The following CFL2 variants were observed in gnomAD, a reference collection of about 807,000 sequenced individuals.
CFL2 encodes the protein cofilin 2, also known as cofilin-2.
Under a neutral mutation model 19.6 loss-of-function variants are expected in CFL2, and 10 were observed. The observed-to-expected ratio is 0.51, with a 90% CI of 0.31 to 0.86. The LOEUF (loss-of-function observed/expected upper bound fraction) is 0.86. Ranked by LOEUF, CFL2 falls within the 40% of genes least tolerant of loss-of-function variation. The pLI is 0.04. For missense variants in CFL2, 125 were observed against 192.1 expected, an observed-to-expected ratio of 0.65 and a Z score of 2.06; for synonymous variants, 63 against 66.7, an observed-to-expected ratio of 0.95 and a Z score of 0.27.
chr14:34,712,545 T>C lies in CFL2; in HGVS notation c.*320A>G. 1 of 493,218 alleles carries C rather than the reference T, an allele frequency of 2.0e-6. No individual in the cohort carries two copies. Among genetic ancestry groups the C allele is most frequent in the Non-Finnish European group, 4.0e-6 (1 of 253,052 alleles). 30.6% of individuals were successfully genotyped at this position (493,218 alleles called of 1,614,324 possible). A position where few individuals can be genotyped will look rare whatever the true frequency, so the allele number is the denominator to read the frequency against. ...CAAGGCATTCAATTAGCTTATCCTT[T>C]GCAGTATTCTAAGCTATTCACATTG... On this transcript the variant is annotated 3_prime_UTR_variant, in exon 4 of 4. Transcript: ENST00000298159.
chr14:34,713,761 C>A, intron 1 of CFL2, 200 bp from the exon 2 acceptor site: 2 of 1,611,848 alleles, frequency 1.2e-6, no homozygotes, highest in Non-Finnish European at 1.7e-6. Context: ...CCCATTCATC[C>A]TTCTTAAAGG....
At position 34,710,764 on chromosome 14, in the gene CFL2, C is replaced by A. The variant is rs1456865258; in HGVS notation, c.*2101G>T. The A allele has an allele frequency of 8.9e-6, 4 of 450,896 alleles. No homozygotes were observed. Among genetic ancestry groups the A allele is most frequent in the East Asian group, 1.4e-4 (2 of 14,380 alleles). The allele number at this position is 450,896 out of a possible 1,614,324, so 27.9% of individuals were successfully genotyped here. A position where few individuals can be genotyped will look rare whatever the true frequency, so the allele number is the denominator to read the frequency against. On this transcript the variant is annotated 3_prime_UTR_variant, in exon 4 of 4. Transcript: ENST00000298159. ...ATCACAGTTTAAAGCAATATTTAAT[C>A]TCTGAAATTACTAGAGGCATACAAG... is the stretch of plus-strand genomic sequence containing the variant.
chr14:34,713,196 C>T, intron 2 of CFL2, 58 bp downstream of exon 2: 1 of 1,546,092 alleles, frequency 6.5e-7, no homozygotes, highest in South Asian at 1.1e-5. Context: ...GTAAGACTGA[C>T]TATGATAATA....
rs1034107465 is a variant in CFL2, at chr14:34,710,264, G to C, written c.*2601C>G. 8 of 226,868 alleles carry C rather than the reference G, an allele frequency of 3.5e-5. No individual in the cohort carries two copies. The highest frequency in any genetic ancestry group is 7.1e-5 in the Non-Finnish European group (8 of 112,806). 14.1% of individuals were successfully genotyped at this position (226,868 alleles called of 1,614,324 possible). A position where few individuals can be genotyped will look rare whatever the true frequency, so the allele number is the denominator to read the frequency against. On this transcript the variant is annotated 3_prime_UTR_variant, in exon 4 of 4. Coordinates refer to ENST00000298159, the MANE Select transcript of CFL2 (RefSeq NM_138638.5). ...CAACTGTTCCCATTTGTCTGAAAAT[G>C]CTAAAATTAATTGCTGTAACACTCA...
At position 34,712,755 on chromosome 14, in the gene CFL2, C is replaced by T. The variant is rs1566524796; in HGVS notation, c.*110G>A. 1.3e-6 allele frequency: 1 copy of T among 745,294 alleles called. No individual in the cohort carries two copies. The highest frequency in any genetic ancestry group is 2.6e-5 in the East Asian group (1 of 38,978). 46.2% of individuals were successfully genotyped at this position (745,294 alleles called of 1,614,324 possible). ...CCTTCATTCATTGTGTTGGAAGGGC[C>T]CAGTGGAAAGGGGGAAATACAACAA... is the stretch of plus-strand genomic sequence containing the variant. On this transcript the variant is annotated 3_prime_UTR_variant, in exon 4 of 4. Transcript: ENST00000298159.
chr14:34,714,334 C>T, intron 1 of CFL2: 1 of 870,534 alleles, frequency 1.1e-6, no homozygotes, highest in Non-Finnish European at 1.6e-6. Flanking sequence ...CCGGGCCCTC[C>T]CCGCCCCCCA....
Position 34,711,566 on chromosome 14 carries a change from T to C in CFL2, c.*1299A>G, listed in dbSNP as rs781723970. ...AACATCAGAAGTATCATTAAACTTT[T>C]AAAGGACATTTTACAAATTATTTTC... On this transcript the variant is annotated 3_prime_UTR_variant, in exon 4 of 4. Transcript: ENST00000298159. 2 of 454,140 alleles carry C rather than the reference T, an allele frequency of 4.4e-6. No individual in the cohort carries two copies. Among genetic ancestry groups the C allele is most frequent in the Non-Finnish European group, 8.8e-6 (2 of 226,648 alleles). 28.1% of individuals were successfully genotyped at this position (454,140 alleles called of 1,614,324 possible).
At position 34,710,049 on chromosome 14, in the gene CFL2, T is replaced by C. The variant is rs946330617; in HGVS notation, c.*2816A>G. 1 of 152,768 alleles carries C rather than the reference T, an allele frequency of 6.5e-6. No homozygotes were observed. The highest frequency in any genetic ancestry group is 2.4e-5 in the African/African-American group (1 of 41,444). The allele number at this position is 152,768 out of a possible 1,614,324, so 9.5% of individuals were successfully genotyped here. On this transcript the variant is annotated 3_prime_UTR_variant, in exon 4 of 4. Transcript: ENST00000298159. ...ACAAGAAAACACTTTTAAAAGAATT[T>C]CCTCCCAAAGCTTATTTGCCAGATT...
In CFL2 at chr14:34,711,789, A is replaced by G. The variant is rs994871980; in HGVS notation, c.*1076T>C. 2.2e-6 allele frequency: 1 copy of G among 447,600 alleles called. No homozygotes were observed. The highest frequency in any genetic ancestry group is 4.4e-6 in the Non-Finnish European group (1 of 225,078). The allele number at this position is 447,600 out of a possible 1,614,324, so 27.7% of individuals were successfully genotyped here. A position where few individuals can be genotyped will look rare whatever the true frequency, so the allele number is the denominator to read the frequency against. On this transcript the variant is annotated 3_prime_UTR_variant, in exon 4 of 4. Coordinates refer to ENST00000298159, the MANE Select transcript of CFL2 (RefSeq NM_138638.5). ...GGAAATAAATACACTAATGTTTATA[A>G]AAGTACCATTCTTTAACAATGGTAT...
rs1192326749 is a variant in CFL2, at chr14:34,711,931, AT to A, written c.*933del. 1 of 454,416 alleles carries A rather than the reference AT, an allele frequency of 2.2e-6. No homozygotes were observed. The highest frequency in any genetic ancestry group is 6.9e-5 in the East Asian group (1 of 14,404). The allele number at this position is 454,416 out of a possible 1,614,324, so 28.1% of individuals were successfully genotyped here. A position where few individuals can be genotyped will look rare whatever the true frequency, so the allele number is the denominator to read the frequency against. Reference sequence around the variant, plus strand: ...AAATTCTCAAATGACCAGTGCAGAGATTAGTAATAGCTGTTTTTACCCTAGA... The same window carrying A: ...AAATTCTCAAATGACCAGTGCAGAGATAGTAATAGCTGTTTTTACCCTAGA... On this transcript the variant is annotated 3_prime_UTR_variant, in exon 4 of 4. Coordinates refer to ENST00000298159, the MANE Select transcript of CFL2 (RefSeq NM_138638.5).
In CFL2 at chr14:34,711,031, C is replaced by T; in HGVS notation, c.*1834G>A. 2.2e-6 allele frequency: 1 copy of T among 454,054 alleles called. No homozygotes were observed. Among genetic ancestry groups the T allele is most frequent in the Non-Finnish European group, 4.4e-6 (1 of 226,784 alleles). 28.1% of individuals were successfully genotyped at this position (454,054 alleles called of 1,614,324 possible). A position where few individuals can be genotyped will look rare whatever the true frequency, so the allele number is the denominator to read the frequency against. ...CAGCTGGAAGCCTGAAATAAAATTG[C>T]TCAGTGCAAAAAGATCCCAAACCAT... On this transcript the variant is annotated 3_prime_UTR_variant, in exon 4 of 4. Coordinates refer to ENST00000298159, the MANE Select transcript of CFL2 (RefSeq NM_138638.5).
Position 34,711,742 on chromosome 14 carries a change from C to T in CFL2, c.*1123G>A. The T allele has an allele frequency of 2.3e-6, 1 of 442,524 alleles. No homozygotes were observed. The highest frequency in any genetic ancestry group is 4.5e-6 in the Non-Finnish European group (1 of 223,742). 27.4% of individuals were successfully genotyped at this position (442,524 alleles called of 1,614,324 possible). A position where few individuals can be genotyped will look rare whatever the true frequency, so the allele number is the denominator to read the frequency against. On this transcript the variant is annotated 3_prime_UTR_variant, in exon 4 of 4. Coordinates refer to ENST00000298159, the MANE Select transcript of CFL2 (RefSeq NM_138638.5). ...TATGCCAAAGTGCAAAAAATAATTT[C>T]TGATCTTCATATTAACACATAGGAA... is the stretch of plus-strand genomic sequence containing the variant.
chr14:34,710,565 T>A lies in CFL2; in HGVS notation c.*2300A>T, dbSNP rs757762858. The A allele has an allele frequency of 4.4e-5, 19 of 432,984 alleles. No homozygotes were observed. Among genetic ancestry groups the A allele is most frequent in the South Asian group, 3.2e-4 (19 of 59,286 alleles). 26.8% of individuals were successfully genotyped at this position (432,984 alleles called of 1,614,324 possible). On this transcript the variant is annotated 3_prime_UTR_variant, in exon 4 of 4. Transcript: ENST00000298159. The stretch of plus-strand genomic sequence containing the variant: ...CTTTTAAAGCTAACTGGAACATTGA[T>A]TCATTATAAATGATTGTAAAATAAA...
chr14:34,714,487 G>T (rs533579807), intron 1 of CFL2, 51 bp downstream of exon 1: 2 of 1,547,254 alleles, frequency 1.3e-6, no homozygotes, highest in Non-Finnish European at 8.7e-7. Context: ...GGGCCGTGCG[G>T]GGGGCTTTTC....
chr14:34,712,258 G>T lies in CFL2; in HGVS notation c.*607C>A, dbSNP rs1342537821. Reference sequence around the variant, plus strand: ...CTATTTCTTTTAAGAAGATATGCAGGTAACAGGAATGAACACTGAGGTACT... The same window carrying T: ...CTATTTCTTTTAAGAAGATATGCAGTTAACAGGAATGAACACTGAGGTACT... On this transcript the variant is annotated 3_prime_UTR_variant, in exon 4 of 4. Transcript: ENST00000298159. 4.4e-6 allele frequency: 2 copies of T among 454,394 alleles called. No homozygotes were observed. Among genetic ancestry groups the T allele is most frequent in the Admixed American group, 2.4e-5 (1 of 42,548 alleles). The allele number at this position is 454,394 out of a possible 1,614,324, so 28.1% of individuals were successfully genotyped here. A position where few individuals can be genotyped will look rare whatever the true frequency, so the allele number is the denominator to read the frequency against.
chr14:34,712,033 T>G lies in CFL2; in HGVS notation c.*832A>C, dbSNP rs1338590102. 2.2e-6 allele frequency: 1 copy of G among 454,418 alleles called. No individual in the cohort carries two copies. The highest frequency in any genetic ancestry group is 4.4e-6 in the Non-Finnish European group (1 of 226,780). 28.1% of individuals were successfully genotyped at this position (454,418 alleles called of 1,614,324 possible). A position where few individuals can be genotyped will look rare whatever the true frequency, so the allele number is the denominator to read the frequency against. ...TTCTGTAATATGCCACAATTTTTAT[T>G]GCAACGTGGCCATTTTTGTGAGGGT... On this transcript the variant is annotated 3_prime_UTR_variant, in exon 4 of 4. Coordinates refer to ENST00000298159, the MANE Select transcript of CFL2 (RefSeq NM_138638.5).
Position 34,714,549 on chromosome 14 carries a change from C to T in CFL2, c.-9G>A, listed in dbSNP as rs756117892. 6.3e-7 allele frequency: 1 copy of T among 1,587,462 alleles called. No homozygotes were observed. Among genetic ancestry groups the T allele is most frequent in the Non-Finnish European group, 8.5e-7 (1 of 1,170,256 alleles). ...CGCGCTCGTCTTACCATAGTGCCCT[C>T]GGCTGTGGCTGCGGCGGCAGCTCGG... On this transcript the variant is annotated 5_prime_UTR_variant, in exon 1 of 4. Coordinates refer to ENST00000298159, the MANE Select transcript of CFL2 (RefSeq NM_138638.5).
intron 1 of CFL2, 57 bp downstream of exon 1, chr14:34,714,481 C>G (rs901459821): frequency 1.3e-6 from 2 of 1,536,032 alleles, no homozygotes; most frequent in Non-Finnish European, 1.8e-6. Context: ...CTCCCGGGGC[C>G]GTGCGGGGGG....
In CFL2 at chr14:34,711,324, G is replaced by C. The variant is rs1236435701; in HGVS notation, c.*1541C>G. 2.2e-6 allele frequency: 1 copy of C among 454,456 alleles called. No homozygotes were observed. The highest frequency in any genetic ancestry group is 2.4e-5 in the Admixed American group (1 of 42,542). The allele number at this position is 454,456 out of a possible 1,614,324, so 28.2% of individuals were successfully genotyped here. Reference sequence around the variant, plus strand: ...AATCAAGTCCAGTTTTGCCATTTGTGGATAACTATGACAAGATACAAAAGC... The same window carrying C: ...AATCAAGTCCAGTTTTGCCATTTGTCGATAACTATGACAAGATACAAAAGC... On this transcript the variant is annotated 3_prime_UTR_variant, in exon 4 of 4. Coordinates refer to ENST00000298159, the MANE Select transcript of CFL2 (RefSeq NM_138638.5).
Sources: gnomAD v4.1 joint callset for allele counts on GRCh38, gnomAD v4.1.1 for gene constraint, MANE v1.5 for transcripts, NCBI Gene and HGNC (gene_info 2026-07-23, HGNC 2026-07-21) for gene names.